The following DNTTIP2 variants were observed in gnomAD, a reference collection of about 807,000 sequenced individuals.
DNTTIP2 encodes deoxynucleotidyltransferase terminal-interacting protein 2.
A neutral mutation model predicts 62.4 loss-of-function variants in DNTTIP2; 47 were observed. The ratio of observed to expected loss-of-function variants is 0.75; its 90% CI spans 0.60 to 0.96. The LOEUF (loss-of-function observed/expected upper bound fraction) is 0.96. Ranked by LOEUF, DNTTIP2 falls within the 40% of genes least tolerant of loss-of-function variation. The pLI is 0.00. For missense variants in DNTTIP2, 870 were observed against 849.1 expected (o/e 1.02, Z -0.31); for synonymous variants, 322 against 300.9 (o/e 1.07, Z -0.73).
intron 3 of DNTTIP2, among the ~76,000 whole-genome samples, chr1:93,874,966 G>A (rs1657630568): frequency 6.6e-6 from 1 of 152,190 alleles, no homozygotes; most frequent in Non-Finnish European, 1.5e-5. Flanking sequence ...TCTTCCCCTA[G>A]AGGCTTGGTG....
At chr1:93,870,045 G>A in intron 6 of DNTTIP2, 101 bp from the exon 7 acceptor site, 2 of 652,066 alleles carry the variant, frequency 3.1e-6, no homozygotes, top group Non-Finnish European at 5.6e-6. Context: ...GACAAGACAA[G>A]TATAGTCTCT....
intron 3 of DNTTIP2, among the ~76,000 whole-genome samples, chr1:93,874,498 C>T (rs1655948037): frequency 6.6e-6 from 1 of 152,106 alleles, no homozygotes; most frequent in African/African-American, 2.4e-5. Context: ...TCCCCAAGGG[C>T]AACGATCAAT....
In DNTTIP2 at chr1:93,870,789, CA is replaced by C; in HGVS notation, c.2070del (p.Ile690MetfsTer115). On this transcript the variant is annotated frameshift_variant and splice_region_variant, in exon 6 of 7. Transcript: ENST00000436063. LOFTEE classifies it high-confidence loss of function. ...DRDGFPKYFQ[I>X]GTIVDNPADF... ...TCAGCTGGATTGTCAACAATGGTTC[CA>C]ATCTGTGAACAATTGATTGAAATAA... The C allele has an allele frequency of 6.6e-7, 1 of 1,524,038 alleles. No individual in the cohort carries two copies. Among genetic ancestry groups the C allele is most frequent in the Non-Finnish European group, 8.9e-7 (1 of 1,125,414 alleles). The allele number at this position is 1,524,038 out of a possible 1,614,324, so 94.4% of individuals were successfully genotyped here. A position where few individuals can be genotyped will look rare whatever the true frequency, so the allele number is the denominator to read the frequency against.
rs1557715896 is a variant in DNTTIP2 at position 93,867,039 on chromosome 1, GGAGGCT to G, written c.*2806_*2811del. ...GGTGCCTGTTAATCCCAGGTACTTG[GGAGGCT>G]GAGGCAGAATTGCTTGAACCCGGGA... On this transcript the variant is annotated 3_prime_UTR_variant, in exon 7 of 7. Transcript: ENST00000436063. 6.6e-6 allele frequency: 1 copy of G among 151,890 alleles called. No homozygotes were observed. The highest frequency in any genetic ancestry group is 1.5e-5 in the Non-Finnish European group (1 of 68,126). The allele number at this position is 151,890 out of a possible 1,614,324, so 9.4% of individuals were successfully genotyped here. A position where few individuals can be genotyped will look rare whatever the true frequency, so the allele number is the denominator to read the frequency against.
rs1284641264 is a variant in DNTTIP2, at chr1:93,868,898, G to GTAGA, written c.*949_*952dup. 1 of 151,974 alleles carries GTAGA rather than the reference G, an allele frequency of 6.6e-6. No homozygotes were observed. Among genetic ancestry groups the GTAGA allele is most frequent in the African/African-American group, 2.4e-5 (1 of 41,352 alleles). The allele number at this position is 151,974 out of a possible 1,614,324, so 9.4% of individuals were successfully genotyped here. On this transcript the variant is annotated 3_prime_UTR_variant, in exon 7 of 7. Transcript: ENST00000436063. ...GATAGCACTAGGAGAAATACCTAAT[G>GTAGA]TAGATAGGTTGATGGGTGCAGCAAA...
At chr1:93,878,089 G>A (rs925928428) in intron 1 of DNTTIP2, among the ~76,000 whole-genome samples, 2 of 152,060 alleles carry the variant, frequency 1.3e-5, no homozygotes, top group Admixed American at 1.3e-4. Context: ...GGTGGATCAC[G>A]AGGTCAGGAG....
chr1:93,872,024 C>G (rs199741695), intron 5 of DNTTIP2, 48 bp downstream of exon 5: 1 of 1,602,644 alleles, frequency 6.2e-7, no homozygotes, highest in East Asian at 2.2e-5. Flanking sequence ...ACAGTGCTTT[C>G]CAAACTAAAA....
chr1:93,877,054 T>C lies in DNTTIP2; in HGVS notation c.881A>G (p.Gln294Arg). The C allele has an allele frequency of 6.2e-7, 1 of 1,612,328 alleles. No homozygotes were observed. The highest frequency in any genetic ancestry group is 8.5e-7 in the Non-Finnish European group (1 of 1,179,830). The stretch of plus-strand genomic sequence containing the variant: ...ATCTTCATCCAAATCCTTACAATTC[T>C]GTTTTGTTTCTTTAAGAGATTCAAC... Reference protein sequence around the residue: ...ANVESLKETKQNCKDLDEDAN... With the variant: ...ANVESLKETKRNCKDLDEDAN... Residue 294 changes from glutamine (Q) to arginine (R), a missense_variant, in exon 2 of 7, where the codon CAG becomes CGG. By Grantham distance (43) the Gln-to-Arg change is conservative (BLOSUM62 1). Coordinates refer to ENST00000436063, the MANE Select transcript of DNTTIP2 (RefSeq NM_014597.5).
intron 4 of DNTTIP2, 82 bp from the exon 5 acceptor site, chr1:93,872,318 A>G: frequency 7.2e-7 from 1 of 1,383,296 alleles, no homozygotes; most frequent in East Asian, 2.3e-5. Context: ...TAACACATAC[A>G]GAAAATTTTG....
In DNTTIP2 at chr1:93,879,103, C is replaced by T; in HGVS notation, c.46G>A (p.Ala16Thr). 4 of 1,613,750 alleles carry T rather than the reference C, an allele frequency of 2.5e-6. No individual in the cohort carries two copies. The highest frequency in any genetic ancestry group is 1.6e-4 in the Middle Eastern group (1 of 6,062). Residue 16 changes from alanine to threonine, a missense_variant, in exon 1 of 7, where the codon GCG becomes ACG. By Grantham distance (58) the Ala-to-Thr change is moderately conservative. Transcript: ENST00000436063. ...TTTTGCCCGGAACTTTCAGCCGACG[C>T]GGCTTGGATGCTGGCCTTAGCCCGT... ...SARAKASIQAASAESSGQKSF... is the reference protein window; with the variant it reads ...SARAKASIQATSAESSGQKSF...
chr1:93,870,265 G>C (rs1655824593), intron 6 of DNTTIP2, among the ~76,000 whole-genome samples: 1 of 152,064 alleles, frequency 6.6e-6, no homozygotes, highest in South Asian at 2.1e-4. Context: ...AAAACAAAAA[G>C]TCACACTTAT....
In DNTTIP2 at chr1:93,866,977, C is replaced by T. The variant is rs1165173043; in HGVS notation, c.*2874G>A. 1 of 151,824 alleles carries T rather than the reference C, an allele frequency of 6.6e-6. No individual in the cohort carries two copies. Among genetic ancestry groups the T allele is most frequent in the Non-Finnish European group, 1.5e-5 (1 of 68,028 alleles). 9.4% of individuals were successfully genotyped at this position (151,824 alleles called of 1,614,324 possible). A position where few individuals can be genotyped will look rare whatever the true frequency, so the allele number is the denominator to read the frequency against. On this transcript the variant is annotated 3_prime_UTR_variant, in exon 7 of 7. Transcript: ENST00000436063. ...TGGCCAACATGGTGAAACCCCGTCT[C>T]TACTAAAAATACAAAAATTAGCCGG...
At chr1:93,873,977 C>G (rs1030119543) in intron 3 of DNTTIP2, among the ~76,000 whole-genome samples, 4 of 152,170 alleles carry the variant, frequency 2.6e-5, no homozygotes, top group African/African-American at 9.7e-5. Flanking sequence ...ATAGTACAAG[C>G]ATTAATTTGG....
In DNTTIP2 at chr1:93,876,928, G is replaced by C; in HGVS notation, c.1007C>G (p.Ser336Cys). The change falls in exon 2 of 7, where the codon TCT becomes TGT. Residue 336 changes from serine (S) to cysteine (C), a missense_variant. Physicochemically the swap from Ser to Cys is moderately radical, Grantham distance 112. Transcript: ENST00000436063. ...LQDTSLQQLVSQRHSTPQNKN... is the reference protein window; with the variant it reads ...LQDTSLQQLVCQRHSTPQNKN... ...ATTTTGGGGGGTTGAATGTCTCTGA[G>C]AAACTAACTGTTGAAGGCTAGTGTC... The C allele has an allele frequency of 6.2e-7, 1 of 1,613,702 alleles. No individual in the cohort carries two copies. Among genetic ancestry groups the C allele is most frequent in the Non-Finnish European group, 8.5e-7 (1 of 1,179,828 alleles).
chr1:93,867,301 A>G lies in DNTTIP2; in HGVS notation c.*2550T>C, dbSNP rs1342173809. On this transcript the variant is annotated 3_prime_UTR_variant, in exon 7 of 7. Coordinates refer to ENST00000436063, the MANE Select transcript of DNTTIP2 (RefSeq NM_014597.5). ...TTTGGATTCTTTATACTTTTCTGGT[A>G]TAAAGCCTTCAAATAGTTCCAGTTG... 2.0e-5 allele frequency: 3 copies of G among 151,886 alleles called. No homozygotes were observed. The highest frequency in any genetic ancestry group is 7.3e-5 in the African/African-American group (3 of 41,310). 9.4% of individuals were successfully genotyped at this position (151,886 alleles called of 1,614,324 possible).
Position 93,877,808 on chromosome 1 carries a change from C to A in DNTTIP2, c.127G>T (p.Ala43Ser), listed in dbSNP as rs190627772. ...GTCTGTGATTCAGCAGTAGTTCGGG[C>A]ATCAGATCCAGTACTACTTTCTGGA... ...AHPESSTGSD[A>S]RTTAESQTTG... is the part of the protein sequence containing the mutation. The change falls in exon 2 of 7, where the codon GCC becomes TCC. Residue 43 changes from alanine to serine, a missense_variant. Coordinates refer to ENST00000436063, the MANE Select transcript of DNTTIP2 (RefSeq NM_014597.5). 80 of 1,606,470 alleles carry A rather than the reference C, an allele frequency of 5.0e-5. No homozygotes were observed. In the East Asian group the frequency reaches 1.8e-3, roughly 36 times the overall value.
rs755203167 is a variant in DNTTIP2 at position 93,872,193 on chromosome 1, T to G, written c.1946A>C (p.Lys649Thr). Reference protein sequence around the residue: ...KTAGDGWFGMKAPEMTNELKN... With the variant: ...KTAGDGWFGMTAPEMTNELKN... ...CAGTTCATTTGTCATTTCTGGAGCT[T>G]TCATACCAAACCAGCCATCCCCTGC... The change falls in exon 5 of 7, where the codon AAA becomes ACA. Residue 649 changes from lysine to threonine, a missense_variant. Lys to Thr is a moderately conservative substitution (Grantham distance 78). Coordinates refer to ENST00000436063, the MANE Select transcript of DNTTIP2 (RefSeq NM_014597.5). 55 of 1,613,784 alleles carry G rather than the reference T, an allele frequency of 3.4e-5. No individual in the cohort carries two copies. The highest frequency in any genetic ancestry group is 4.5e-5 in the Non-Finnish European group (53 of 1,179,830).
In DNTTIP2 at chr1:93,876,359, C is replaced by T. The variant is rs1191349777; in HGVS notation, c.1576G>A (p.Glu526Lys). Reference protein sequence around the residue: ...IEEEKEEEEDEKSEEDSSDHD... With the variant: ...IEEEKEEEEDKKSEEDSSDHD... The stretch of plus-strand genomic sequence containing the variant: ...TCTGATGAATCTTCTTCACTTTTTT[C>T]ATCCTCTTCCTCTTCTTTTTCTTCC... Residue 526 changes from glutamate (E) to lysine (K), a missense_variant, in exon 2 of 7, where the codon GAA becomes AAA. Physicochemically the swap from Glu to Lys is moderately conservative, Grantham distance 56 (BLOSUM62 1). Coordinates refer to ENST00000436063, the MANE Select transcript of DNTTIP2 (RefSeq NM_014597.5). 6.4e-7 allele frequency: 1 copy of T among 1,559,346 alleles called. No homozygotes were observed. Among genetic ancestry groups the T allele is most frequent in the Admixed American group, 2.0e-5 (1 of 50,674 alleles).
In DNTTIP2 at chr1:93,870,674, T is replaced by A; in HGVS notation, c.2177+9A>T. ...ATACATATTATAAAATAAATATGAA[T>A]TCCTTTACCTTCTGAATTCAGAATC... On this transcript the variant is annotated intron_variant, in intron 6 of 6. Transcript: ENST00000436063. The A allele has an allele frequency of 6.8e-7, 1 of 1,463,828 alleles. No homozygotes were observed. Among genetic ancestry groups the A allele is most frequent in the Non-Finnish European group, 9.2e-7 (1 of 1,085,350 alleles). The allele number at this position is 1,463,828 out of a possible 1,614,324, so 90.7% of individuals were successfully genotyped here.
Sources: gnomAD v4.1 joint callset for allele counts (sites outside exome capture counted in the v4.1 genomes callset) on GRCh38, gnomAD v4.1.1 for gene constraint, MANE v1.5 for transcripts, NCBI Gene and HGNC (gene_info 2026-07-23, HGNC 2026-07-21) for gene names.